Variants in RGL3 observed in about 807,000 individuals in gnomAD.
RGL3 encodes ral guanine nucleotide dissociation stimulator like 3.
In RGL3, 85 loss-of-function variants were observed where a neutral mutation model predicts 90.6. The ratio of observed to expected loss-of-function variants is 0.94; its 90% confidence interval spans 0.79 to 1.12. The LOEUF (loss-of-function observed/expected upper bound fraction) is 1.12, where lower values mean the gene tolerates loss of function less well. RGL3 is among the 50% of genes most tolerant of loss of function. The pLI, the probability that RGL3 is intolerant of heterozygous loss-of-function variation, is 0.00. For missense variants in RGL3, 1,034 were observed against 939.2 expected, an observed-to-expected ratio of 1.10 and a Z score of -1.32; for synonymous variants, 408 against 385.5, an observed-to-expected ratio of 1.06 and a Z score of -0.68.
chr19:11,394,435 C>A lies in RGL3; in HGVS notation c.2100G>T (p.Gly700=). Residue 700 remains glycine, a synonymous_variant, in exon 19 of 19, where the codon GGG becomes GGT. Transcript: ENST00000380456. ...PRDFMLRRKE[G]TRNTLSVSPS is the part of the protein sequence containing the mutation. Reference sequence around the variant, plus strand: ...GGGAGACAGACAGAGTGTTCCGGGTCCCCTCTTTCCGCCGCAGCATGAAGT... The same window carrying A: ...GGGAGACAGACAGAGTGTTCCGGGTACCCTCTTTCCGCCGCAGCATGAAGT... The A allele has an allele frequency of 6.2e-7, 1 of 1,613,874 alleles. No individual in the cohort carries two copies. The highest frequency in any genetic ancestry group is 8.5e-7 in the Non-Finnish European group (1 of 1,179,952).
chr19:11,412,821 C>T (rs995807230), intron 5 of RGL3, among the ~76,000 whole-genome samples: 1 of 151,808 alleles, frequency 6.6e-6, no homozygotes, highest in African/African-American at 2.4e-5. Flanking sequence ...AAAAAATTAG[C>T]TGGGCCTGGT....
chr19:11,405,532 T>C (rs1968763017), intron 7 of RGL3, 106 bp from the exon 8 acceptor site: 1 of 829,866 alleles, frequency 1.2e-6, no homozygotes, highest in Non-Finnish European at 1.7e-6. Flanking sequence ...TTTTTTTTTT[T>C]TTTTTTTGAG....
At chr19:11,401,554 C>T (rs1968675858) in intron 13 of RGL3, among the ~76,000 whole-genome samples, 1 of 151,918 alleles carries the variant, frequency 6.6e-6, no homozygotes, top group African/African-American at 2.4e-5. Context: ...TGCCACTACA[C>T]CTGGCTAATT....
Position 11,397,491 on chromosome 19 carries a change from C to T in RGL3, c.1853G>A (p.Arg618His), listed in dbSNP as rs201346905. Residue 618 changes from arginine to histidine, a missense_variant, in exon 17 of 19, where the codon CGC becomes CAC. Transcript: ENST00000380456. ...CCCGTGGTCATTGTCGATGCTGACG[C>T]GGATGACACGGGCCTCCGAGCTCTG... Reference protein sequence around the residue: ...AQQSSEARVIRVSIDNDHGNL... With the variant: ...AQQSSEARVIHVSIDNDHGNL... 1,876 of 1,613,572 alleles carry T rather than the reference C, an allele frequency of 1.2e-3. 34 individuals carry two copies. The South Asian group carries it at 0.019, about 17-fold the overall frequency.
rs746929314 is a variant in RGL3, at chr19:11,416,040, C to T, written c.534G>A (p.Ala178=). 8.1e-6 allele frequency: 13 copies of T among 1,613,916 alleles called. No homozygotes were observed. The highest frequency in any genetic ancestry group is 3.3e-5 in the Admixed American group (2 of 59,972). ...TTTGAGCCTCAGCACTCCCTGGGGC[C>T]GCCCAGCCCAGAAAGGTTCGGACAC... ...LGSVRTFLGW[A]APGSAEAQKA... The change falls in exon 5 of 19, where the codon GCG becomes GCA. Residue 178 remains alanine, a synonymous_variant. Transcript: ENST00000380456.
intron 18 of RGL3, 24 bp from the exon 19 acceptor site, chr19:11,394,544 T>C: frequency 6.4e-7 from 1 of 1,560,138 alleles, no homozygotes; most frequent in East Asian, 2.2e-5. Flanking sequence ...GAGATGGTGG[T>C]AATAGGCCCT....
Position 11,402,260 on chromosome 19 carries a change from T to C in RGL3, c.1330-13A>G. ...TAATGAGATCCCCCTGGGGGCAAAG[T>C]GTGTCTGAATTGCAGCACCCAGGGT... On this transcript the variant is annotated splice_polypyrimidine_tract_variant and intron_variant, in intron 11 of 18. Transcript: ENST00000380456. 3 of 1,612,732 alleles carry C rather than the reference T, an allele frequency of 1.9e-6. No homozygotes were observed. The highest frequency in any genetic ancestry group is 3.3e-5 in the Admixed American group (2 of 59,946).
Position 11,397,600 on chromosome 19 carries a change from G to T in RGL3, c.1747-3C>A. ...GGCAGGTCCAGGCTCAGGGGCAGCT[G>T]CAGGCAGTAAGGGGTGGAGGCTACA... On this transcript the variant is annotated splice_region_variant and splice_polypyrimidine_tract_variant and intron_variant, in intron 16 of 18. Transcript: ENST00000380456. 3.2e-6 allele frequency: 5 copies of T among 1,546,890 alleles called. No homozygotes were observed. The highest frequency in any genetic ancestry group is 4.4e-6 in the Non-Finnish European group (5 of 1,144,006).
intron 18 of RGL3, chr19:11,394,767 C>A: frequency 2.3e-6 from 1 of 427,996 alleles, no homozygotes; most frequent in Non-Finnish European, 4.3e-6. Flanking sequence ...TCCCCCTCAC[C>A]ATAGAGACAA....
intron 5 of RGL3, among the ~76,000 whole-genome samples, chr19:11,414,464 C>CATATATATACATATATATACCTTCAT: frequency 2.3e-5 from 1 of 43,266 alleles, no homozygotes; most frequent in African/African-American, 1.1e-4. Context: ...TATATACCTT[C>CATATATATACATATATATACCTTCAT]ATATATATAT....
chr19:11,405,261 G>A (rs770215442), intron 8 of RGL3, 30 bp from the exon 9 acceptor site: 1 of 1,612,768 alleles, frequency 6.2e-7, no homozygotes, highest in Admixed American at 1.7e-5. Flanking sequence ...GTGGTCAGGG[G>A]TCAGTGGCTT....
chr19:11,418,890 C>A (rs1366897811), intron 1 of RGL3, 106 bp from the exon 2 acceptor site: 3 of 900,272 alleles, frequency 3.3e-6, no homozygotes, highest in South Asian at 1.8e-5. Flanking sequence ...CATCCCCACG[C>A]CCCTTCCCGG....
At chr19:11,396,400 C>T (rs1354367198) in intron 18 of RGL3, among the ~76,000 whole-genome samples, 1 of 150,070 alleles carries the variant, frequency 6.7e-6, no homozygotes, top group South Asian at 2.1e-4. Context: ...GAACTCCTGA[C>T]CTCAAGTGAT....
chr19:11,395,293 C>A (rs1968545945), intron 18 of RGL3, among the ~76,000 whole-genome samples: 1 of 151,986 alleles, frequency 6.6e-6, no homozygotes, highest in Non-Finnish European at 1.5e-5. Context: ...AGCTTGTGGC[C>A]TCACACTCAA....
chr19:11,411,475 A>G (rs1329408010), intron 5 of RGL3: 1 of 150,918 alleles, frequency 6.6e-6, no homozygotes, highest in Non-Finnish European at 1.5e-5. Context: ...GCTGGGTGCC[A>G]TGGTGGGCAC....
intron 13 of RGL3, among the ~76,000 whole-genome samples, chr19:11,401,076 A>G (rs987736456): frequency 1.1e-4 from 17 of 151,810 alleles, no homozygotes; most frequent in African/African-American, 4.1e-4. Flanking sequence ...GAGTCAGATG[A>G]GGGGTCATGA....
Position 11,416,607 on chromosome 19 carries a change from G to A in RGL3, c.425+7C>T, listed in dbSNP as rs377351932. The A allele has an allele frequency of 3.1e-6, 5 of 1,613,636 alleles. No homozygotes were observed. Among genetic ancestry groups the A allele is most frequent in the Non-Finnish European group, 4.2e-6 (5 of 1,179,714 alleles). On this transcript the variant is annotated splice_region_variant and intron_variant, in intron 4 of 18. Coordinates refer to ENST00000380456, the MANE Select transcript of RGL3 (RefSeq NM_001035223.4). Reference sequence around the variant, plus strand: ...CCCGCACTCCCCTATCTGGATGAAGGACCCACCTCAGGTTCTTGTTGAAGC... The same window carrying A: ...CCCGCACTCCCCTATCTGGATGAAGAACCCACCTCAGGTTCTTGTTGAAGC...
At chr19:11,405,100 C>T (rs201015591) in intron 9 of RGL3, 47 bp downstream of exon 9, 19 of 1,543,826 alleles carry the variant, frequency 1.2e-5, no homozygotes, top group Admixed American at 1.0e-4. Flanking sequence ...AAGTCCCTCC[C>T]CCGACTTCCC....
At chr19:11,405,705 T>A (rs1254285015) in intron 7 of RGL3, among the ~76,000 whole-genome samples, 1 of 148,560 alleles carries the variant, frequency 6.7e-6, no homozygotes, top group Non-Finnish European at 1.5e-5. Context: ...ATTATTATTA[T>A]TAATTATTTG....
Sources: allele counts gnomAD v4.1 joint callset (sites outside exome capture counted in the v4.1 genomes callset), GRCh38; gene constraint gnomAD v4.1.1; transcripts MANE v1.5; gene names NCBI Gene and HGNC (gene_info 2026-07-23, HGNC 2026-07-21).